The following SCYL3 variants were observed in gnomAD, a reference collection of about 807,000 sequenced individuals.
The protein encoded by SCYL3 is SCY1 like pseudokinase 3.
In SCYL3, 35 loss-of-function variants were observed where a neutral mutation model predicts 73.8. The observed-to-expected ratio is 0.47, with a 90% confidence interval of 0.36 to 0.63. The LOEUF is 0.63. SCYL3 is among the 20% of genes least tolerant of loss of function. The pLI is 0.00. For missense variants in SCYL3, 712 were observed against 798.9 expected (o/e 0.89, Z 1.31); for synonymous variants, 277 against 295.2 (o/e 0.94, Z 0.63).
chr1:169,867,048 T>C (rs1026904855), intron 7 of SCYL3, 75 bp from the exon 8 acceptor site: 2 of 758,694 alleles, frequency 2.6e-6, no homozygotes, highest in Non-Finnish European at 4.4e-6. Flanking sequence ...AATCACAGAC[T>C]ACATCAATAT....
intron 8 of SCYL3, among the ~76,000 whole-genome samples, chr1:169,865,496 A>G (rs1659975629): frequency 6.6e-6 from 1 of 152,074 alleles, no homozygotes; most frequent in East Asian, 1.9e-4. Context: ...TTCCAGGACA[A>G]TGCACCAACC....
chr1:169,893,233 T>C (rs997711707), intron 1 of SCYL3, among the ~76,000 whole-genome samples: 6 of 152,186 alleles, frequency 3.9e-5, no homozygotes, highest in Non-Finnish European at 8.8e-5. Context: ...TTCATCTTTA[T>C]TCTAAACAGA....
At chr1:169,888,535 G>C (rs180685419) in intron 2 of SCYL3, 141 bp downstream of exon 2, 1 of 652,476 alleles carries the variant, frequency 1.5e-6, no homozygotes, top group South Asian at 2.4e-5. Flanking sequence ...CATGAAGTAA[G>C]AGCAATGTTT....
Position 169,851,976 on chromosome 1 carries a change from C to G in SCYL3, c.*1737G>C. 11 of 1,613,550 alleles carry G rather than the reference C, an allele frequency of 6.8e-6. No homozygotes were observed. The highest frequency in any genetic ancestry group is 9.3e-6 in the Non-Finnish European group (11 of 1,179,722). ...CAATAGGGGCCAAACTTTAACAAGG[C>G]AAATTCTGCCCTTTTTACTTACTGA... On this transcript the variant is annotated 3_prime_UTR_variant, in exon 13 of 13. Transcript: ENST00000367771.
At position 169,850,980 on chromosome 1, in the gene SCYL3, C is replaced by A. The variant is rs77418285; in HGVS notation, c.*2733G>T. The stretch of plus-strand genomic sequence containing the variant: ...TATTTTGGGTATAATTTAGGCATGG[C>A]TTTTTTTTTTTTTTTTTTTTTTTTT... On this transcript the variant is annotated 3_prime_UTR_variant, in exon 13 of 13. Transcript: ENST00000367771. 3.2e-5 allele frequency: 1 copy of A among 31,570 alleles called. No homozygotes were observed. Among genetic ancestry groups the A allele is most frequent in the African/African-American group, 1.9e-4 (1 of 5,236 alleles). 2.0% of individuals were successfully genotyped at this position (31,570 alleles called of 1,614,324 possible). A position where few individuals can be genotyped will look rare whatever the true frequency, so the allele number is the denominator to read the frequency against.
At chr1:169,858,917 A>C in intron 11 of SCYL3, 124 bp downstream of exon 11, 1 of 867,478 alleles carries the variant, frequency 1.2e-6, no homozygotes, top group Non-Finnish European at 1.7e-6. Context: ...AGAAAGAGAA[A>C]TTAACTTTTT....
intron 9 of SCYL3, among the ~76,000 whole-genome samples, chr1:169,863,461 A>T (rs954248785): frequency 4.6e-5 from 7 of 152,170 alleles, no homozygotes; most frequent in Admixed American, 2.6e-4. Context: ...TTATTTGCAA[A>T]ACCAGGTGTT....
Position 169,852,531 on chromosome 1 carries a change from G to A in SCYL3, c.*1182C>T, listed in dbSNP as rs911509222. On this transcript the variant is annotated 3_prime_UTR_variant, in exon 13 of 13. Transcript: ENST00000367771. ...TGGACTATGCAGCACTTCTCATTGGGAGCCCTTTGGGACAGGATACTTGTT... is the reference window on the plus strand; with the variant it reads ...TGGACTATGCAGCACTTCTCATTGGAAGCCCTTTGGGACAGGATACTTGTT... 21 of 476,428 alleles carry A rather than the reference G, an allele frequency of 4.4e-5. No homozygotes were observed. Among genetic ancestry groups the A allele is most frequent in the Admixed American group, 7.4e-5 (2 of 26,910 alleles). The allele number at this position is 476,428 out of a possible 1,614,324, so 29.5% of individuals were successfully genotyped here.
Position 169,854,715 on chromosome 1 carries a change from G to A in SCYL3, c.1562C>T (p.Pro521Leu). 6.2e-7 allele frequency: 1 copy of A among 1,613,962 alleles called. No individual in the cohort carries two copies. Among genetic ancestry groups the A allele is most frequent in the South Asian group, 1.1e-5 (1 of 91,070 alleles). Residue 521 changes from proline to leucine, a missense_variant, in exon 12 of 13, where the codon CCC becomes CTC. Transcript: ENST00000367771. ...VEESSWDDCE[P>L]SSLDTKVNPG... Reference sequence around the variant, plus strand: ...GTTTACTTTAGTATCTAAGCTGCTGGGCTCGCAGTCATCCCAAGATGACTC... The same window carrying A: ...GTTTACTTTAGTATCTAAGCTGCTGAGCTCGCAGTCATCCCAAGATGACTC...
chr1:169,886,365 G>A (rs1326989515), intron 2 of SCYL3, among the ~76,000 whole-genome samples: 1 of 152,062 alleles, frequency 6.6e-6, no homozygotes, highest in Non-Finnish European at 1.5e-5. Flanking sequence ...TAGAATGCAA[G>A]CTCTTTTGGG....
At chr1:169,862,552 T>A (rs1487671524) in intron 10 of SCYL3, 61 bp downstream of exon 10, 1 of 865,146 alleles carries the variant, frequency 1.2e-6, no homozygotes, top group African/African-American at 1.9e-5. Flanking sequence ...TCCAAAACTC[T>A]TTCTTTCAGC....
chr1:169,891,337 C>T (rs983048818), intron 1 of SCYL3, among the ~76,000 whole-genome samples: 3 of 152,168 alleles, frequency 2.0e-5, no homozygotes, highest in African/African-American at 4.8e-5. Flanking sequence ...CTACCGGAAG[C>T]CCAGCCTCAA....
At chr1:169,859,299 A>T (rs1659444660) in intron 10 of SCYL3, 87 bp from the exon 11 acceptor site, 1 of 1,302,226 alleles carries the variant, frequency 7.7e-7, no homozygotes, top group African/African-American at 1.5e-5. Context: ...CTGCAAACAG[A>T]TTGTGCTTAG....
At chr1:169,869,119 A>G in intron 6 of SCYL3, 80 bp from the exon 7 acceptor site, 1 of 1,105,034 alleles carries the variant, frequency 9.0e-7, no homozygotes, top group Non-Finnish European at 1.4e-6. Flanking sequence ...TGCCGAGAGC[A>G]AAAACCAACC....
chr1:169,865,183 CT>C (rs1352578843), intron 8 of SCYL3, among the ~76,000 whole-genome samples: 5 of 152,062 alleles, frequency 3.3e-5, no homozygotes, highest in Non-Finnish European at 7.4e-5. Flanking sequence ...AAAACATAGG[CT>C]TTTGTCACTA....
At position 169,853,489 on chromosome 1, in the gene SCYL3, C is replaced by T; in HGVS notation, c.*224G>A. ...CTGGCCTCAGTCAAATGCACAAAGG[C>T]TCTTCCTCCTGGAAACCAGTACTGT... is the stretch of plus-strand genomic sequence containing the variant. On this transcript the variant is annotated 3_prime_UTR_variant, in exon 13 of 13. Transcript: ENST00000367771. The T allele has an allele frequency of 2.0e-6, 1 of 496,484 alleles. No homozygotes were observed. The highest frequency in any genetic ancestry group is 3.3e-5 in the East Asian group (1 of 30,668). 30.8% of individuals were successfully genotyped at this position (496,484 alleles called of 1,614,324 possible). A position where few individuals can be genotyped will look rare whatever the true frequency, so the allele number is the denominator to read the frequency against.
At chr1:169,865,829 T>A (rs1243083622) in intron 8 of SCYL3, among the ~76,000 whole-genome samples, 1 of 152,170 alleles carries the variant, frequency 6.6e-6, no homozygotes, top group Non-Finnish European at 1.5e-5. Context: ...GGGAATATCA[T>A]AGCCTTCCTA....
In SCYL3 at chr1:169,853,229, C is replaced by CT. The variant is rs1658655982; in HGVS notation, c.*483dup. The CT allele has an allele frequency of 8.1e-6, 4 of 495,670 alleles. No homozygotes were observed. Among genetic ancestry groups the CT allele is most frequent in the African/African-American group, 3.9e-5 (2 of 51,676 alleles). 30.7% of individuals were successfully genotyped at this position (495,670 alleles called of 1,614,324 possible). The stretch of plus-strand genomic sequence containing the variant: ...ACAAAGAACCATTTACTCAGATAGT[C>CT]TAACTGTAAACAAATAAATAAGCTG... On this transcript the variant is annotated 3_prime_UTR_variant, in exon 13 of 13. Transcript: ENST00000367771.
chr1:169,884,331 CTT>C (rs1233517973), intron 2 of SCYL3, among the ~76,000 whole-genome samples: 1 of 151,912 alleles, frequency 6.6e-6, no homozygotes, highest in Non-Finnish European at 1.5e-5. Context: ...GAGTGTCGCT[CTT>C]GTTACCCAGG....
Sources: gnomAD v4.1 joint callset for allele counts (sites outside exome capture counted in the v4.1 genomes callset) on GRCh38, gnomAD v4.1.1 for gene constraint, MANE v1.5 for transcripts, NCBI Gene and HGNC (gene_info 2026-07-23, HGNC 2026-07-21) for gene names.